The following ADAMTS20 variants were observed in gnomAD, a reference collection of about 807,000 sequenced individuals.
ADAMTS20 encodes A disintegrin and metalloproteinase with thrombospondin motifs 20.
In ADAMTS20, 225 loss-of-function variants were observed where a neutral mutation model predicts 260.1. The ratio of observed to expected loss-of-function variants is 0.87; its 90% CI spans 0.78 to 0.97. ADAMTS20 has a LOEUF of 0.97. Among genes scored for constraint, ADAMTS20 ranks in the 50% least tolerant of loss-of-function variants. ADAMTS20 has a pLI of 0.00. For synonymous variants in ADAMTS20, 802 were observed against 769.5 expected (o/e 1.04, Z -0.70); for missense variants, 2,400 against 2,337.7 (o/e 1.03, Z -0.55).
At position 43,376,546 on chromosome 12, in the gene ADAMTS20, T is replaced by C. The variant is rs762263960; in HGVS notation, c.5103A>G (p.Gln1701=). 1 of 1,613,154 alleles carries C rather than the reference T, an allele frequency of 6.2e-7. No homozygotes were observed. The highest frequency in any genetic ancestry group is 8.5e-7 in the Non-Finnish European group (1 of 1,179,694). ...TACAGTCATTGGCATAACATTTCTT[T>C]TGAGCACCTGGTTTTAAATGGTTTA... ...LCLNHLKPGA[Q]KKCYANDCKS... The change falls in exon 33 of 39, where the codon CAA becomes CAG. Residue 1701 remains glutamine, a synonymous_variant. Transcript: ENST00000389420.
intron 22 of ADAMTS20, 123 bp downstream of exon 22, chr12:43,431,209 T>TTCCTGC (rs1941435665): frequency 1.1e-6 from 1 of 911,278 alleles, no homozygotes; most frequent in Non-Finnish European, 1.6e-6. Context: ...AGGGTTGCTG[T>TTCCTGC]TGTTTTTTAA....
In ADAMTS20 at chr12:43,552,032, G is replaced by T. The variant is rs1386575265; in HGVS notation, c.-111C>A. On this transcript the variant is annotated 5_prime_UTR_variant, in exon 1 of 39. Coordinates refer to ENST00000389420, the MANE Select transcript of ADAMTS20 (RefSeq NM_025003.5). ...CTCCCTCTCGCCCGCCGCTCTCCGC[G>T]CCTCAGCAGCCTAGGGAACAGCAGC... is the stretch of plus-strand genomic sequence containing the variant. The T allele has an allele frequency of 2.3e-6, 2 of 887,906 alleles. No homozygotes were observed. The highest frequency in any genetic ancestry group is 3.6e-6 in the Non-Finnish European group (2 of 555,046). 55.0% of individuals were successfully genotyped at this position (887,906 alleles called of 1,614,324 possible).
intron 37 of ADAMTS20, among the ~76,000 whole-genome samples, chr12:43,361,941 T>C (rs554976789): frequency 2.6e-4 from 39 of 152,230 alleles, no homozygotes; most frequent in Non-Finnish European, 2.6e-4. Flanking sequence ...CCTTTCCCAA[T>C]ACAACATGTA....
At chr12:43,417,257 G>A (rs1318407830) in intron 28 of ADAMTS20, among the ~76,000 whole-genome samples, 3 of 152,172 alleles carry the variant, frequency 2.0e-5, no homozygotes, top group Non-Finnish European at 4.4e-5. Context: ...ATCAAAAGCT[G>A]TCTAATAGGA....
chr12:43,436,097 A>G (rs886592303), intron 18 of ADAMTS20, among the ~76,000 whole-genome samples: 1 of 152,256 alleles, frequency 6.6e-6, no homozygotes, highest in African/African-American at 2.4e-5. Flanking sequence ...AGGAAAAGAA[A>G]AAAAACAGCA....
chr12:43,440,138 A>ATT, intron 16 of ADAMTS20, 69 bp from the exon 17 acceptor site: 1 of 1,024,260 alleles, frequency 9.8e-7, no homozygotes, highest in South Asian at 1.8e-5. Context: ...CACTTGTTTA[A>ATT]CTTTTTTTTT....
intron 4 of ADAMTS20, among the ~76,000 whole-genome samples, chr12:43,497,389 T>A (rs1378396232): frequency 6.6e-6 from 1 of 152,146 alleles, no homozygotes; most frequent in African/African-American, 2.4e-5. Context: ...ACATATGGTA[T>A]GTTCATAGGC....
intron 36 of ADAMTS20, among the ~76,000 whole-genome samples, chr12:43,373,684 T>G (rs1266018493): frequency 1.6e-4 from 22 of 137,242 alleles, no homozygotes; most frequent in African/African-American, 5.5e-4. Context: ...TTTTTTTTTT[T>G]TTTTTTTTTT....
At chr12:43,370,094 G>A (rs1940074714) in intron 36 of ADAMTS20, among the ~76,000 whole-genome samples, 1 of 152,138 alleles carries the variant, frequency 6.6e-6, no homozygotes, top group African/African-American at 2.4e-5. Context: ...CCTCCACTAT[G>A]TATTCCAAAT....
chr12:43,431,983 T>C (rs897038962), intron 21 of ADAMTS20, among the ~76,000 whole-genome samples: 6 of 151,698 alleles, frequency 4.0e-5, no homozygotes, highest in African/African-American at 1.5e-4. Flanking sequence ...ACTCAAGCAA[T>C]CCTCCCACCT....
At chr12:43,414,100 T>C (rs372883353) in intron 28 of ADAMTS20, among the ~76,000 whole-genome samples, 1 of 152,188 alleles carries the variant, frequency 6.6e-6, no homozygotes, top group Admixed American at 6.5e-5. Flanking sequence ...ATAAAGATTA[T>C]AAATTAGGGA....
intron 11 of ADAMTS20, among the ~76,000 whole-genome samples, chr12:43,458,755 C>A (rs967470219): frequency 8.5e-5 from 13 of 152,156 alleles, no homozygotes; most frequent in African/African-American, 3.1e-4. Context: ...ATTCTAGTCT[C>A]CCTCTAGAAC....
intron 3 of ADAMTS20, among the ~76,000 whole-genome samples, chr12:43,504,320 G>T (rs1409220839): frequency 6.6e-6 from 1 of 152,034 alleles, no homozygotes; most frequent in Non-Finnish European, 1.5e-5. Flanking sequence ...TAGTGATGTT[G>T]GGCATTTCTT....
intron 7 of ADAMTS20, among the ~76,000 whole-genome samples, chr12:43,480,884 G>A (rs1592091347): frequency 6.6e-6 from 1 of 151,928 alleles, no homozygotes; most frequent in Admixed American, 6.6e-5. Context: ...GGAGAAATAC[G>A]TTTTTGAGAT....
chr12:43,394,128 A>G (rs1455527582), intron 29 of ADAMTS20, among the ~76,000 whole-genome samples: 2 of 152,092 alleles, frequency 1.3e-5, no homozygotes, highest in South Asian at 2.1e-4. Context: ...AGAAATGCCA[A>G]TCCAGCACCC....
chr12:43,435,862 T>C lies in ADAMTS20; in HGVS notation c.2594-1491A>G, dbSNP rs534514327. On this transcript the variant is annotated intron_variant, in intron 18 of 38. Coordinates refer to ENST00000389420, the MANE Select transcript of ADAMTS20 (RefSeq NM_025003.5). ...AGCAAAAGCAAACTAAGAGAAGTGG[T>C]CATAACTGACCAGAGTCATTTGAAC... 7.7e-4 allele frequency among the ~76,000 whole-genome samples: 117 copies of C among 152,116 alleles called. 1 individual carries two copies. The highest frequency in any genetic ancestry group is 2.8e-3 in the African/African-American group (115 of 41,514).
intron 37 of ADAMTS20, among the ~76,000 whole-genome samples, chr12:43,357,607 A>C (rs1939772531): frequency 6.6e-6 from 1 of 152,176 alleles, no homozygotes; most frequent in Non-Finnish European, 1.5e-5. Context: ...AATGACAATA[A>C]ATGGAGAATT....
rs143097007 is a variant in ADAMTS20 at position 43,551,825 on chromosome 12, CT to C, written c.91+5del. On this transcript the variant is annotated splice_donor_5th_base_variant and intron_variant, in intron 1 of 38. Transcript: ENST00000389420. The surrounding 1 kb of genome is among the most constrained non-coding windows in gnomAD (Gnocchi z 4.6). ...AGCCGCTGAAGGCGTCTCGCGGTGA[CT>C]TTACCTTGCCTGGGGTGGAAGTCAA... is the stretch of plus-strand genomic sequence containing the variant. The C allele has an allele frequency of 0.033, 53,909 of 1,613,390 alleles. 1,300 individuals carry two copies. Among genetic ancestry groups the C allele is most frequent in the East Asian group, 0.13 (5,829 of 44,836 alleles).
intron 3 of ADAMTS20, among the ~76,000 whole-genome samples, chr12:43,521,861 C>A (rs571828188): frequency 6.6e-6 from 1 of 152,154 alleles, no homozygotes; most frequent in Non-Finnish European, 1.5e-5. Context: ...TTTCCACACA[C>A]ATCAGGACTT....
Sources: gnomAD v4.1 joint callset for allele counts (sites outside exome capture counted in the v4.1 genomes callset) on GRCh38, gnomAD v4.1.1 for gene constraint, Gnocchi (gnomAD v3.1) non-coding constraint, MANE v1.5 for transcripts, NCBI Gene and HGNC (gene_info 2026-07-23, HGNC 2026-07-21) for gene names.